ATXN1: variants seen among roughly 807,000 people sequenced by gnomAD.
The protein encoded by ATXN1 is ataxin 1.
A neutral mutation model predicts 56.4 loss-of-function variants in ATXN1; 8 were observed. That is an observed-to-expected ratio of 0.14 (90% CI 0.08 to 0.26). The LOEUF (loss-of-function observed/expected upper bound fraction) is 0.26, where lower values mean the gene tolerates loss of function less well. ATXN1 is among the 10% of genes least tolerant of loss of function. The pLI, the probability that ATXN1 is intolerant of heterozygous loss-of-function variation, is 1.00. For missense variants in ATXN1, 987 were observed against 1,106.5 expected, an observed-to-expected ratio of 0.89 and a Z score of 1.53; for synonymous variants, 514 against 494.6, an observed-to-expected ratio of 1.04 and a Z score of -0.52.
intron 4 of ATXN1, among the ~76,000 whole-genome samples, chr6:16,533,066 C>T (rs931726715): frequency 1.3e-5 from 2 of 152,178 alleles, no homozygotes; most frequent in Non-Finnish European, 2.9e-5. Flanking sequence ...GAGATTCTGA[C>T]ACATGCTACA....
intron 6 of ATXN1, among the ~76,000 whole-genome samples, chr6:16,389,220 T>A (rs1371084766): frequency 6.6e-6 from 1 of 151,868 alleles, no homozygotes; most frequent in Non-Finnish European, 1.5e-5. Context: ...GCCTGTCATC[T>A]CAGCTACTCG....
At chr6:16,439,693 C>T (rs576674237) in intron 6 of ATXN1, among the ~76,000 whole-genome samples, 52 of 152,082 alleles carry the variant, frequency 3.4e-4, no homozygotes, top group African/African-American at 1.1e-3. Context: ...AATCTGTGAC[C>T]GAAATCAAAC....
At chr6:16,500,654 C>T (rs1382847804) in intron 5 of ATXN1, among the ~76,000 whole-genome samples, 2 of 149,760 alleles carry the variant, frequency 1.3e-5, no homozygotes, top group Non-Finnish European at 3.0e-5. Context: ...CAAGAAGGTA[C>T]CTGGGTAGGG....
chr6:16,506,234 C>T lies in ATXN1; in HGVS notation c.-299+16393G>A, dbSNP rs1190833141. Among the ~76,000 whole-genome samples the T allele has an allele frequency of 6.6e-6, 1 of 152,188 alleles. No homozygotes were observed. The highest frequency in any genetic ancestry group is 1.5e-5 in the Non-Finnish European group (1 of 68,038). On this transcript the variant is annotated intron_variant, in intron 5 of 7. Coordinates refer to ENST00000436367, the MANE Select transcript of ATXN1 (RefSeq NM_001128164.2). This position sits in a 1 kb window ranked among gnomAD's most constrained non-coding sequence, Gnocchi z 4.1. ...TTCCATTTGTTCACATGATGTGACTCATCATTTGGGTGACATGGAGCAGGC... is the reference window on the plus strand; with the variant it reads ...TTCCATTTGTTCACATGATGTGACTTATCATTTGGGTGACATGGAGCAGGC...
intron 4 of ATXN1, among the ~76,000 whole-genome samples, chr6:16,575,383 C>A (rs1762403895): frequency 6.6e-6 from 1 of 152,150 alleles, no homozygotes; most frequent in Non-Finnish European, 1.5e-5. Flanking sequence ...AACTGAAATT[C>A]TGCTGCAGGG....
chr6:16,702,015 C>G (rs1053143456), intron 2 of ATXN1, among the ~76,000 whole-genome samples: 2 of 151,926 alleles, frequency 1.3e-5, no homozygotes, highest in East Asian at 3.9e-4. Flanking sequence ...AAAAAAGAGC[C>G]CACATTGCCA....
Position 16,649,588 on chromosome 6 carries a change from G to A in ATXN1, c.-489+8188C>T, listed in dbSNP as rs1020312771. 1.7e-4 allele frequency among the ~76,000 whole-genome samples: 26 copies of A among 152,148 alleles called. 1 individual carries two copies. The highest frequency in any genetic ancestry group is 1.9e-4 in the East Asian group (1 of 5,208). ...GAATTTTCTAATGCCAAAGATATAC[G>A]CCAGTAGTTTAGTTTAAATGATGTG... On this transcript the variant is annotated intron_variant, in intron 3 of 7. Transcript: ENST00000436367.
rs796433382 is a variant in ATXN1 at position 16,657,084 on chromosome 6, C to T, written c.-489+692G>A. On this transcript the variant is annotated intron_variant, in intron 3 of 7. Coordinates refer to ENST00000436367, the MANE Select transcript of ATXN1 (RefSeq NM_001128164.2). ...CTGCAAGCTCTGCCTCCCAGGTTCACGCCATTCTGCTGCCTCAGCCTCCCA... is the reference window on the plus strand; with the variant it reads ...CTGCAAGCTCTGCCTCCCAGGTTCATGCCATTCTGCTGCCTCAGCCTCCCA... Among the ~76,000 whole-genome samples, 8 of 88,566 alleles carry T rather than the reference C, an allele frequency of 9.0e-5. No individual in the cohort carries two copies. The East Asian group carries it at 1.2e-3, about 13-fold the overall frequency. The allele number at this position is 88,566 out of a possible 152,430, so 58.1% of individuals were successfully genotyped here.
chr6:16,459,331 T>C (rs1759944445), intron 6 of ATXN1, among the ~76,000 whole-genome samples: 1 of 152,166 alleles, frequency 6.6e-6, no homozygotes. Context: ...ACCCCACCAC[T>C]TTTCCTTATC....
At chr6:16,418,634 T>C (rs899713562) in intron 6 of ATXN1, among the ~76,000 whole-genome samples, 6 of 151,580 alleles carry the variant, frequency 4.0e-5, no homozygotes, top group African/African-American at 1.4e-4. Context: ...TGTATACATG[T>C]GCCATGCTGG....
intron 4 of ATXN1, among the ~76,000 whole-genome samples, chr6:16,574,820 G>A (rs1263750726): frequency 7.0e-6 from 1 of 143,826 alleles, no homozygotes; most frequent in Non-Finnish European, 1.5e-5. Flanking sequence ...GCACCAAACA[G>A]GCTTTTTTTT....
intron 2 of ATXN1, among the ~76,000 whole-genome samples, chr6:16,733,026 A>G (rs2113488952): frequency 6.6e-6 from 1 of 152,338 alleles, no homozygotes; most frequent in South Asian, 2.1e-4. Context: ...TGAATTATTC[A>G]AACATATTTT....
At chr6:16,713,888 T>A (rs2113458579) in intron 2 of ATXN1, among the ~76,000 whole-genome samples, 1 of 152,322 alleles carries the variant, frequency 6.6e-6, no homozygotes, top group East Asian at 1.9e-4. Flanking sequence ...CCGCGCGTAG[T>A]AACTCATGCC....
chr6:16,426,362 GAC>G (rs1759154898), intron 6 of ATXN1, among the ~76,000 whole-genome samples: 1 of 152,072 alleles, frequency 6.6e-6, no homozygotes, highest in South Asian at 2.1e-4. Flanking sequence ...TGCAATTATG[GAC>G]CTTATGGAGG....
At chr6:16,314,157 C>A (rs1760461488) in intron 7 of ATXN1, among the ~76,000 whole-genome samples, 1 of 152,100 alleles carries the variant, frequency 6.6e-6, no homozygotes, top group African/African-American at 2.4e-5. Context: ...AGACAATGTA[C>A]TTTTTCCCCC....
At chr6:16,491,807 C>A (rs541160920) in intron 5 of ATXN1, among the ~76,000 whole-genome samples, 2 of 152,174 alleles carry the variant, frequency 1.3e-5, no homozygotes, top group South Asian at 4.2e-4. Context: ...TGAGCCTGAT[C>A]TAATTAAGAG....
At chr6:16,686,503 C>CACAGTTGTACGTGG (rs6149447) in intron 2 of ATXN1, among the ~76,000 whole-genome samples, 1 of 152,042 alleles carries the variant, frequency 6.6e-6, no homozygotes, top group Non-Finnish European at 1.5e-5. Flanking sequence ...GCATGCAACA[C>CACAGTTGTACGTGG]ATTATGCCGA....
chr6:16,440,348 T>C (rs559180276), intron 6 of ATXN1, among the ~76,000 whole-genome samples: 1 of 150,258 alleles, frequency 6.7e-6, no homozygotes, highest in East Asian at 2.0e-4. Flanking sequence ...AAAGGAACAC[T>C]AATCCCAATA....
At chr6:16,557,035 T>C (rs1762027098) in intron 4 of ATXN1, among the ~76,000 whole-genome samples, 1 of 151,958 alleles carries the variant, frequency 6.6e-6, no homozygotes, top group South Asian at 2.1e-4. Flanking sequence ...AAGATCTACA[T>C]AAAGAGGGCT....
Sources: gnomAD v4.1 joint callset for allele counts (sites outside exome capture counted in the v4.1 genomes callset) on GRCh38, gnomAD v4.1.1 for gene constraint, Gnocchi (gnomAD v3.1) non-coding constraint, MANE v1.5 for transcripts, NCBI Gene and HGNC (gene_info 2026-07-23, HGNC 2026-07-21) for gene names.